Variants in KCNH8 observed in about 807,000 individuals in gnomAD.
The protein encoded by KCNH8 is potassium voltage-gated channel subfamily H member 8, also known as voltage-gated delayed rectifier potassium channel KCNH8.
A neutral mutation model predicts 103.6 loss-of-function variants in KCNH8; 70 were observed. The ratio of observed to expected loss-of-function variants is 0.68; its 90% CI spans 0.56 to 0.82. The LOEUF is 0.82. KCNH8 is among the 40% of genes least tolerant of loss of function. KCNH8 has a pLI of 0.00. For missense variants in KCNH8, 1,217 were observed against 1,329.9 expected, an observed-to-expected ratio of 0.92 and a Z score of 1.32; for synonymous variants, 498 against 489.4, an observed-to-expected ratio of 1.02 and a Z score of -0.23.
chr3:19,437,404 C>T (rs976517276), intron 7 of KCNH8, among the ~76,000 whole-genome samples: 8 of 152,108 alleles, frequency 5.3e-5, no homozygotes, highest in Admixed American at 1.3e-4. Context: ...AGCTTTCTGA[C>T]AGCACAATTA....
chr3:19,360,240 G>C (rs77035887), intron 5 of KCNH8, among the ~76,000 whole-genome samples: 1,687 of 152,156 alleles, frequency 0.011, 26 homozygotes, highest in African/African-American at 0.038. Context: ...GGTTTGCTGG[G>C]TTATTGTTTG....
At chr3:19,461,760 G>A (rs1038587484) in intron 11 of KCNH8, among the ~76,000 whole-genome samples, 11 of 152,092 alleles carry the variant, frequency 7.2e-5, no homozygotes, top group Non-Finnish European at 1.0e-4. Flanking sequence ...TTGGTTTGCC[G>A]CACCCATTAA....
In KCNH8 at chr3:19,494,832, G is replaced by A. The variant is rs2068403147; in HGVS notation, c.2041-15531G>A. ...ATACTCTTACCAACAGTATATAAGT[G>A]TTCCTTTTCCCCCGTAACCTTGCTA... On this transcript the variant is annotated intron_variant, in intron 11 of 15. Transcript: ENST00000328405. 2.0e-5 allele frequency among the ~76,000 whole-genome samples: 3 copies of A among 152,072 alleles called. No homozygotes were observed. The South Asian group carries it at 6.2e-4, about 32-fold the overall frequency.
At chr3:19,477,878 A>G (rs1396863026) in intron 11 of KCNH8, among the ~76,000 whole-genome samples, 1 of 152,144 alleles carries the variant, frequency 6.6e-6, no homozygotes, top group Non-Finnish European at 1.5e-5. Flanking sequence ...TCACCTGAAC[A>G]GTGAACATTG....
chr3:19,341,458 T>C (rs1436088165), intron 3 of KCNH8, among the ~76,000 whole-genome samples: 3 of 152,096 alleles, frequency 2.0e-5, no homozygotes, highest in Non-Finnish European at 2.9e-5. Flanking sequence ...ACTGTTCATG[T>C]CTGACTAACT....
At chr3:19,394,894 T>C (rs566420938) in intron 6 of KCNH8, among the ~76,000 whole-genome samples, 11 of 152,034 alleles carry the variant, frequency 7.2e-5, no homozygotes, top group Non-Finnish European at 1.2e-4. Context: ...CTCAAATAAA[T>C]TAAATTATCC....
At chr3:19,216,598 A>G (rs892167910) in intron 1 of KCNH8, among the ~76,000 whole-genome samples, 1 of 152,216 alleles carries the variant, frequency 6.6e-6, no homozygotes, top group Non-Finnish European at 1.5e-5. Flanking sequence ...ATTATTCCTC[A>G]TACTACTAAA....
chr3:19,347,785 A>G lies in KCNH8; in HGVS notation c.631A>G (p.Lys211Glu), dbSNP rs1157643408. The change falls in exon 5 of 16, where the codon AAA (lysine) becomes GAA (glutamate). Residue 211 changes from lysine to glutamate, a missense_variant. By Grantham distance (56) the Lys-to-Glu change is moderately conservative. Around this residue, in one of 3 missense-constraint regions of KCNH8, gnomAD observed 244 missense variants for 256.8 expected, o/e 0.95. Coordinates refer to ENST00000328405, the MANE Select transcript of KCNH8 (RefSeq NM_144633.3). Reference sequence around the variant, plus strand: ...TAAAGTTTCTGATGCAAAAAAGTCCAAATTCATACTTCTGCATTTTAGCAC... The same window carrying G: ...TAAAGTTTCTGATGCAAAAAAGTCCGAATTCATACTTCTGCATTTTAGCAC... ...EYKVSDAKKS[K>E]FILLHFSTFK... 1.2e-6 allele frequency: 2 copies of G among 1,613,282 alleles called. No individual in the cohort carries two copies. The highest frequency in any genetic ancestry group is 1.7e-5 in the Admixed American group (1 of 59,930).
intron 4 of KCNH8, among the ~76,000 whole-genome samples, chr3:19,347,426 T>C (rs2065743311): frequency 6.6e-6 from 1 of 152,074 alleles, no homozygotes; most frequent in South Asian, 2.1e-4. Context: ...TACATGTAAC[T>C]GTGAATGTTT....
intron 3 of KCNH8, among the ~76,000 whole-genome samples, chr3:19,327,001 G>T (rs1325770510): frequency 2.0e-5 from 3 of 151,894 alleles, no homozygotes; most frequent in African/African-American, 7.3e-5. Context: ...AATCACTGGG[G>T]GTCATTCCAT....
At chr3:19,344,718 A>C (rs1402690052) in intron 4 of KCNH8, among the ~76,000 whole-genome samples, 2 of 152,100 alleles carry the variant, frequency 1.3e-5, no homozygotes, top group South Asian at 2.1e-4. Flanking sequence ...ATAAACAATA[A>C]ATTTTCTGGA....
At chr3:19,297,708 A>G (rs990346212) in intron 3 of KCNH8, among the ~76,000 whole-genome samples, 1 of 152,184 alleles carries the variant, frequency 6.6e-6, no homozygotes, top group African/African-American at 2.4e-5. Flanking sequence ...GCTATTGGTG[A>G]GTGGAAAAGG....
chr3:19,353,918 C>A (rs944481991), intron 5 of KCNH8, among the ~76,000 whole-genome samples: 2 of 152,104 alleles, frequency 1.3e-5, no homozygotes, highest in African/African-American at 4.8e-5. Flanking sequence ...AAAGGGTATT[C>A]AGTTAGGAAA....
At chr3:19,401,983 A>G (rs1468826092) in intron 7 of KCNH8, among the ~76,000 whole-genome samples, 2 of 151,946 alleles carry the variant, frequency 1.3e-5, no homozygotes, top group African/African-American at 4.8e-5. Flanking sequence ...TATACTCAGT[A>G]TCTTTGCACC....
chr3:19,266,551 T>TTTATGCATCTCTGTTTCA (rs1480150945), intron 2 of KCNH8, among the ~76,000 whole-genome samples: 2 of 152,136 alleles, frequency 1.3e-5, no homozygotes, highest in African/African-American at 4.8e-5. Context: ...TAACTTTCTC[T>TTTATGCATCTCTGTTTCA]TTATGCATCT....
rs755488116 is a variant in KCNH8 at position 19,258,905 on chromosome 3, TTCTCTCTCTCTCTC to T, written c.310+5048_310+5061del. Among the ~76,000 whole-genome samples the T allele has an allele frequency of 1.8e-3, 76 of 43,072 alleles. 1 individual carries two copies. The highest frequency in any genetic ancestry group is 2.4e-3 in the African/African-American group (28 of 11,478). 28.3% of individuals were successfully genotyped at this position (43,072 alleles called of 152,430 possible). Reference sequence around the variant, plus strand: ...AAATAACTTCATTTTTATTTTCTGTTTCTCTCTCTCTCTCTCTCTCTCTCTCTCTCTCTCTCTCT... The same window carrying T: ...AAATAACTTCATTTTTATTTTCTGTTTCTCTCTCTCTCTCTCTCTCTCTCT... On this transcript the variant is annotated intron_variant, in intron 2 of 15. Coordinates refer to ENST00000328405, the MANE Select transcript of KCNH8 (RefSeq NM_144633.3).
At chr3:19,477,049 ATAAAG>A (rs776803817) in intron 11 of KCNH8, among the ~76,000 whole-genome samples, 7 of 152,182 alleles carry the variant, frequency 4.6e-5, no homozygotes, top group East Asian at 1.9e-4. Context: ...ATTTCTTTAT[ATAAAG>A]TATTCTTCCT....
chr3:19,159,018 TTTTC>T (rs2063208120), intron 1 of KCNH8, among the ~76,000 whole-genome samples: 2 of 151,946 alleles, frequency 1.3e-5, no homozygotes, highest in African/African-American at 4.8e-5. Context: ...CTAATGAGTG[TTTTC>T]TGGCTTGTTG....
intron 1 of KCNH8, among the ~76,000 whole-genome samples, chr3:19,151,422 T>C (rs1270268954): frequency 6.6e-6 from 1 of 152,070 alleles, no homozygotes. Flanking sequence ...ACGGTCATGC[T>C]AGTTTCTTAT....
Sources: gnomAD v4.1 joint callset for allele counts (sites outside exome capture counted in the v4.1 genomes callset) on GRCh38, gnomAD v4.1.1 for gene constraint, gnomAD v4.1.1 regional missense constraint, MANE v1.5 for transcripts, NCBI Gene and HGNC (gene_info 2026-07-23, HGNC 2026-07-21) for gene names.